RYR3: variants seen among roughly 807,000 people sequenced by gnomAD.
The protein encoded by RYR3 is ryanodine receptor 3, also known as brain ryanodine receptor-calcium release channel.
A neutral mutation model predicts 584.3 loss-of-function variants in RYR3; 207 were observed. The observed-to-expected ratio is 0.35, with a 90% confidence interval of 0.32 to 0.40. The LOEUF (loss-of-function observed/expected upper bound fraction) is 0.40, where lower values mean the gene tolerates loss of function less well. Among genes scored for constraint, RYR3 ranks in the 10% least tolerant of loss-of-function variants. The probability of loss-of-function intolerance (pLI) is 1.00; values close to 1 mark genes in which losing one functional copy is unlikely to be tolerated. For synonymous variants in RYR3, 2,416 were observed against 2,248.5 expected (o/e 1.07, Z -2.11); for missense variants, 5,616 against 6,089.2 (o/e 0.92, Z 2.59).
intron 93 of RYR3, among the ~76,000 whole-genome samples, chr15:33,845,505 C>T (rs568266412): frequency 1.2e-4 from 18 of 152,302 alleles, no homozygotes; most frequent in African/African-American, 3.6e-4. Context: ...CCATCTGCCT[C>T]GGCCTCCCAC....
At chr15:33,331,897 T>C (rs907227839) in intron 1 of RYR3, among the ~76,000 whole-genome samples, 4 of 151,986 alleles carry the variant, frequency 2.6e-5, no homozygotes, top group Non-Finnish European at 4.4e-5. Context: ...GTAAATAGCA[T>C]GAAAAGTGGA....
chr15:33,663,051 G>A, intron 35 of RYR3, 103 bp downstream of exon 35: 6 of 1,026,530 alleles, frequency 5.8e-6, no homozygotes, highest in South Asian at 1.5e-5. Context: ...TATGTCAAGT[G>A]CTTGGCATAG....
At position 33,662,690 on chromosome 15, in the gene RYR3, C is replaced by A; in HGVS notation, c.5160C>A (p.Phe1720Leu). 1.9e-6 allele frequency: 3 copies of A among 1,614,130 alleles called. No homozygotes were observed. The highest frequency in any genetic ancestry group is 1.1e-5 in the South Asian group (1 of 91,072). The change falls in exon 35 of 104, where the codon TTC (phenylalanine) becomes TTA (leucine). Residue 1720 changes from phenylalanine to leucine, a missense_variant. By Grantham distance (22) the Phe-to-Leu change is conservative. Coordinates refer to ENST00000634891, the MANE Select transcript of RYR3 (RefSeq NM_001036.6). ...ACCCTGTAGGGGGGTCTGTGGAGTT[C>A]CAGTTTGTGCCTGTGCTGAAACTCA... ...IRDPVGGSVE[F>L]QFVPVLKLIG...
At chr15:33,837,094 G>C (rs1268449583) in intron 88 of RYR3, 107 bp downstream of exon 88, 8 of 927,940 alleles carry the variant, frequency 8.6e-6, no homozygotes, top group Non-Finnish European at 1.3e-5. Flanking sequence ...GATGCCATAT[G>C]ACATTGGTCA....
At chr15:33,643,860 T>C (rs996331828) in intron 27 of RYR3, among the ~76,000 whole-genome samples, 3 of 152,214 alleles carry the variant, frequency 2.0e-5, no homozygotes, top group African/African-American at 4.8e-5. Flanking sequence ...CTCACATAGT[T>C]ACCCATCTTT....
chr15:33,635,609 A>T lies in RYR3; in HGVS notation c.3176-5A>T, dbSNP rs1403323558. ...ACCCTCTGTTCGCCTTTCTTCTCAC[A>T]ATAGCTGACTCGGCTGTGGAGAAGG... On this transcript the variant is annotated splice_region_variant and splice_polypyrimidine_tract_variant and intron_variant, in intron 25 of 103. Transcript: ENST00000634891. The T allele has an allele frequency of 3.1e-6, 5 of 1,612,608 alleles. No individual in the cohort carries two copies. The highest frequency in any genetic ancestry group is 1.3e-5 in the African/African-American group (1 of 75,050).
At chr15:33,354,008 G>C (rs929485131) in intron 1 of RYR3, among the ~76,000 whole-genome samples, 2 of 152,174 alleles carry the variant, frequency 1.3e-5, no homozygotes, top group Non-Finnish European at 2.9e-5. Context: ...CGGCTGCCCA[G>C]AATCAAAGGA....
chr15:33,357,155 T>G (rs1244207737), intron 1 of RYR3, among the ~76,000 whole-genome samples: 2 of 152,162 alleles, frequency 1.3e-5, no homozygotes, highest in Non-Finnish European at 2.9e-5. Context: ...AGTCTAAAAA[T>G]TTTGAAGGAG....
chr15:33,769,558 G>T (rs116599364), intron 62 of RYR3, among the ~76,000 whole-genome samples: 1,745 of 152,266 alleles, frequency 0.011, 24 homozygotes, highest in African/African-American at 0.04. Flanking sequence ...GGCTTCAAAA[G>T]AATCAGAGAC....
At chr15:33,695,170 A>C (rs939060252) in intron 38 of RYR3, among the ~76,000 whole-genome samples, 1 of 152,178 alleles carries the variant, frequency 6.6e-6, no homozygotes, top group Admixed American at 6.5e-5. Flanking sequence ...TAGGACTGTG[A>C]TATGCAGTGC....
At chr15:33,637,228 A>G (rs1469196752) in intron 27 of RYR3, among the ~76,000 whole-genome samples, 1 of 151,936 alleles carries the variant, frequency 6.6e-6, no homozygotes, top group Non-Finnish European at 1.5e-5. Context: ...ACTGCAAGTC[A>G]GTAGACTTCT....
At chr15:33,331,544 T>C (rs953643591) in intron 1 of RYR3, among the ~76,000 whole-genome samples, 3 of 152,118 alleles carry the variant, frequency 2.0e-5, no homozygotes, top group Non-Finnish European at 4.4e-5. Flanking sequence ...TCTTCTGTGA[T>C]TAAAAAATGT....
At chr15:33,730,080 CAATG>C (rs35026881) in intron 47 of RYR3, among the ~76,000 whole-genome samples, 16,923 of 151,174 alleles carry the variant, frequency 0.11, 1,064 homozygotes, top group East Asian at 0.29. Context: ...TATAATAAAA[CAATG>C]AATAATTTTT....
At chr15:33,544,049 C>T (rs1296485552) in intron 8 of RYR3, among the ~76,000 whole-genome samples, 1 of 152,082 alleles carries the variant, frequency 6.6e-6, no homozygotes, top group Non-Finnish European at 1.5e-5. Context: ...ATAAGGTGGA[C>T]TTCATTGATT....
intron 45 of RYR3, among the ~76,000 whole-genome samples, chr15:33,724,968 G>T (rs1326823421): frequency 6.6e-6 from 1 of 152,034 alleles, no homozygotes; most frequent in Non-Finnish European, 1.5e-5. Context: ...AGTCTTGGCG[G>T]GGGTGGAGAG....
At chr15:33,670,234 T>A (rs1020305040) in intron 37 of RYR3, among the ~76,000 whole-genome samples, 185 bp from the exon 38 acceptor site, 2 of 60,082 alleles carry the variant, frequency 3.3e-5, no homozygotes, top group Non-Finnish European at 1.1e-4. Flanking sequence ...AAACAGGAAA[T>A]CAATATTTTT....
intron 67 of RYR3, among the ~76,000 whole-genome samples, chr15:33,795,946 T>C (rs1290743449): frequency 6.6e-6 from 1 of 152,148 alleles, no homozygotes; most frequent in Non-Finnish European, 1.5e-5. Context: ...TGAAAACCTA[T>C]CTCTCAAACT....
chr15:33,703,979 G>T (rs974322244), intron 42 of RYR3, among the ~76,000 whole-genome samples: 4 of 152,040 alleles, frequency 2.6e-5, no homozygotes, highest in African/African-American at 9.7e-5. Flanking sequence ...TTAACATTCT[G>T]TTAAAAGAGG....
At chr15:33,372,201 A>T (rs1005676073) in intron 1 of RYR3, among the ~76,000 whole-genome samples, 3 of 151,974 alleles carry the variant, frequency 2.0e-5, no homozygotes, top group Non-Finnish European at 4.4e-5. Flanking sequence ...CTGGCTCAGA[A>T]AGCATTTTGA....
Sources: allele counts gnomAD v4.1 joint callset (sites outside exome capture counted in the v4.1 genomes callset), GRCh38; gene constraint gnomAD v4.1.1; transcripts MANE v1.5; gene names NCBI Gene and HGNC (gene_info 2026-07-23, HGNC 2026-07-21).